Variants in RAB26 observed in about 807,000 individuals in gnomAD.
RAB26 encodes the protein ras-related protein Rab-26.
Under a neutral mutation model 33.1 loss-of-function variants are expected in RAB26, and 39 were observed. The ratio of observed to expected loss-of-function variants is 1.18; its 90% CI spans 0.91 to 1.54. The LOEUF (loss-of-function observed/expected upper bound fraction) is 1.54. Among genes scored for constraint, RAB26 ranks in the 40% most tolerant of loss-of-function variants. RAB26 has a pLI of 0.00. For missense variants in RAB26, 468 were observed against 362.9 expected (o/e 1.29, Z -2.35); for synonymous variants, 192 against 151.9 (o/e 1.26, Z -1.94).
chr16:2,149,728 C>T (rs995395781), intron 1 of RAB26, among the ~76,000 whole-genome samples: 7 of 152,210 alleles, frequency 4.6e-5, no homozygotes, highest in African/African-American at 1.7e-4. Flanking sequence ...CCCTCACTCC[C>T]CGCTGACTGA....
rs567206183 is a variant in RAB26 at position 2,152,776 on chromosome 16, C to A, written c.469-44C>A. On this transcript the variant is annotated intron_variant, in intron 5 of 8. Transcript: ENST00000210187. Reference sequence around the variant, plus strand: ...AGGGCCAAAGTTCTGGGGCATGGGGCAAGCCATGCAGGGAGCCCCAGCCTG... The same window carrying A: ...AGGGCCAAAGTTCTGGGGCATGGGGAAAGCCATGCAGGGAGCCCCAGCCTG... The A allele has an allele frequency of 1.1e-5, 18 of 1,572,054 alleles. No homozygotes were observed. In the South Asian group the frequency reaches 1.4e-4, roughly 12 times the overall value.
chr16:2,148,690 G>C lies in RAB26; in HGVS notation c.-94G>C. 8.9e-7 allele frequency: 1 copy of C among 1,122,898 alleles called. No homozygotes were observed. Among genetic ancestry groups the C allele is most frequent in the Non-Finnish European group, 1.1e-6 (1 of 901,112 alleles). The allele number at this position is 1,122,898 out of a possible 1,614,324, so 69.6% of individuals were successfully genotyped here. ...GCCGCCGCCGCCGCCGCCAGGGGAAGGGTTCGGGTCCGGGTCGGGCTCGGC... is the reference window on the plus strand; with the variant it reads ...GCCGCCGCCGCCGCCGCCAGGGGAACGGTTCGGGTCCGGGTCGGGCTCGGC... On this transcript the variant is annotated 5_prime_UTR_variant, in exon 1 of 9. Coordinates refer to ENST00000210187, the MANE Select transcript of RAB26 (RefSeq NM_014353.5).
intron 1 of RAB26, among the ~76,000 whole-genome samples, chr16:2,149,468 C>T (rs749182508): frequency 4.6e-5 from 7 of 152,060 alleles, no homozygotes; most frequent in Non-Finnish European, 8.8e-5. Flanking sequence ...TGACTGCTGC[C>T]CACTTGCACC....
intron 2 of RAB26, 59 bp downstream of exon 2, chr16:2,150,110 G>A: frequency 7.0e-7 from 1 of 1,435,970 alleles, no homozygotes; most frequent in Non-Finnish European, 9.4e-7. Flanking sequence ...CGAGCAGCAA[G>A]TTCTCTCTGA....
chr16:2,151,629 G>A lies in RAB26; in HGVS notation c.348+19G>A, dbSNP rs367971919. 1 of 1,614,058 alleles carries A rather than the reference G, an allele frequency of 6.2e-7. No homozygotes were observed. Among genetic ancestry groups the A allele is most frequent in the African/African-American group, 1.3e-5 (1 of 75,066 alleles). ...GCTGCAGGTAAGGTGACTGGCAGAG[G>A]ACAAGTTGGGGGACAGGGGACACCA... On this transcript the variant is annotated intron_variant, in intron 3 of 8. Coordinates refer to ENST00000210187, the MANE Select transcript of RAB26 (RefSeq NM_014353.5).
At chr16:2,151,960 C>A in intron 5 of RAB26, 52 bp downstream of exon 5, 1 of 1,602,744 alleles carries the variant, frequency 6.2e-7, no homozygotes, top group Non-Finnish European at 8.5e-7. Context: ...CCTGACCCAT[C>A]CCAACCTCCT....
chr16:2,150,484 C>G (rs2093001352), intron 2 of RAB26, among the ~76,000 whole-genome samples: 1 of 150,860 alleles, frequency 6.6e-6, no homozygotes, highest in African/African-American at 2.4e-5. Flanking sequence ...CCCCCACCAG[C>G]TGGAATTCCT....
intron 1 of RAB26, 26 bp from the exon 2 acceptor site, chr16:2,149,915 C>T (rs545304846): frequency 6.7e-7 from 1 of 1,493,560 alleles, no homozygotes; most frequent in African/African-American, 1.4e-5. Context: ...AGACCAGACT[C>T]CCCCCAACCC....
At chr16:2,149,712 T>C (rs1303734752) in intron 1 of RAB26, among the ~76,000 whole-genome samples, 1 of 152,134 alleles carries the variant, frequency 6.6e-6, no homozygotes, top group Admixed American at 6.5e-5. Context: ...GGGATGCAGG[T>C]GGCTGCCCTC....
chr16:2,152,934 G>T (rs745663342), intron 6 of RAB26, 49 bp downstream of exon 6: 1 of 1,587,368 alleles, frequency 6.3e-7, no homozygotes, highest in Non-Finnish European at 8.6e-7. Flanking sequence ...GGGCAGGTGA[G>T]GGGGCAGGGG....
rs1398875373 is a variant in RAB26 at position 2,153,839 on chromosome 16, C to T, written c.*418C>T. The stretch of plus-strand genomic sequence containing the variant: ...GCCTGCCCACGCCTGGGACAGAAGG[C>T]TTCACTGCTAATCACATCGTGCATC... On this transcript the variant is annotated 3_prime_UTR_variant, in exon 9 of 9. Coordinates refer to ENST00000210187, the MANE Select transcript of RAB26 (RefSeq NM_014353.5). The T allele has an allele frequency of 1.1e-5, 5 of 461,438 alleles. No homozygotes were observed. Among genetic ancestry groups the T allele is most frequent in the South Asian group, 7.7e-5 (5 of 64,608 alleles). 28.6% of individuals were successfully genotyped at this position (461,438 alleles called of 1,614,324 possible).
At position 2,153,175 on chromosome 16, in the gene RAB26, C is replaced by A. The variant is rs192091078; in HGVS notation, c.621C>A (p.Ser207Arg). 2 of 1,613,726 alleles carry A rather than the reference C, an allele frequency of 1.2e-6. No individual in the cohort carries two copies. The highest frequency in any genetic ancestry group is 1.7e-6 in the Non-Finnish European group (2 of 1,180,040). The change falls in exon 8 of 9, where the codon AGC (serine) becomes AGA (arginine). Residue 207 changes from serine to arginine, a missense_variant. Ser to Arg is a moderately radical substitution (Grantham distance 110). Transcript: ENST00000210187. ...KEYGLPFMET[S>R]AKTGLNVDLA... ...ATGGACTGCCCTTCATGGAGACCAG[C>A]GCCAAGACGGGCCTCAACGTGGACT...
chr16:2,150,603 G>A (rs1003125770), intron 2 of RAB26, among the ~76,000 whole-genome samples: 2 of 152,232 alleles, frequency 1.3e-5, no homozygotes, highest in Admixed American at 1.3e-4. Context: ...TCCAGGGACA[G>A]GAAAAGGGGC....
chr16:2,151,921 C>A lies in RAB26; in HGVS notation c.468+13C>A. On this transcript the variant is annotated intron_variant, in intron 5 of 8. Coordinates refer to ENST00000210187, the MANE Select transcript of RAB26 (RefSeq NM_014353.5). ...TGACAACATCCAGGTCAGTGGCTTTCCTGGTGGGGTGAAAGGGCCCTGATA... is the reference window on the plus strand; with the variant it reads ...TGACAACATCCAGGTCAGTGGCTTTACTGGTGGGGTGAAAGGGCCCTGATA... The A allele has an allele frequency of 1.9e-6, 3 of 1,614,082 alleles. No homozygotes were observed. Among genetic ancestry groups the A allele is most frequent in the Non-Finnish European group, 2.5e-6 (3 of 1,180,004 alleles).
rs569722581 is a variant in RAB26 at position 2,150,840 on chromosome 16, G to A, written c.307-729G>A. Reference sequence around the variant, plus strand: ...CAGCAGATGGCCCTGCCTGGTTCCCGGGAGACCCAGAAGCACTCTGACAGC... The same window carrying A: ...CAGCAGATGGCCCTGCCTGGTTCCCAGGAGACCCAGAAGCACTCTGACAGC... On this transcript the variant is annotated intron_variant, in intron 2 of 8. Transcript: ENST00000210187. Among the ~76,000 whole-genome samples, 141 of 152,292 alleles carry A rather than the reference G, an allele frequency of 9.3e-4. 2 individuals carry two copies. The highest frequency in any genetic ancestry group is 8.3e-3 in the Admixed American group (127 of 15,302).
At chr16:2,150,089 C>A (rs1406616732) in intron 2 of RAB26, 38 bp downstream of exon 2, 5 of 1,493,582 alleles carry the variant, frequency 3.3e-6, no homozygotes, top group Non-Finnish European at 4.5e-6. Flanking sequence ...CATCAGAGTC[C>A]CGCCGGTACC....
At chr16:2,152,698 A>G in intron 5 of RAB26, 122 bp from the exon 6 acceptor site, 1 of 670,178 alleles carries the variant, frequency 1.5e-6, no homozygotes, top group Non-Finnish European at 2.2e-6. Flanking sequence ...TGTCTCAAAA[A>G]AAAAAAAAAA....
In RAB26 at chr16:2,153,894, C is replaced by A. The variant is rs1354741099; in HGVS notation, c.*473C>A. On this transcript the variant is annotated 3_prime_UTR_variant, in exon 9 of 9. Coordinates refer to ENST00000210187, the MANE Select transcript of RAB26 (RefSeq NM_014353.5). Reference sequence around the variant, plus strand: ...TGTCCTGGGAGCTGCCTGCTCCCGGCCCACCCTCTAGGAGGCTCTGGCTCA... The same window carrying A: ...TGTCCTGGGAGCTGCCTGCTCCCGGACCACCCTCTAGGAGGCTCTGGCTCA... 2.2e-6 allele frequency: 1 copy of A among 455,742 alleles called. No homozygotes were observed. Among genetic ancestry groups the A allele is most frequent in the Non-Finnish European group, 4.4e-6 (1 of 226,702 alleles). The allele number at this position is 455,742 out of a possible 1,614,324, so 28.2% of individuals were successfully genotyped here.
At chr16:2,152,942 G>C (rs2093010672) in intron 6 of RAB26, 47 bp from the exon 7 acceptor site, 1 of 1,585,394 alleles carries the variant, frequency 6.3e-7, no homozygotes, top group Non-Finnish European at 8.6e-7. Flanking sequence ...GAGGGGGCAG[G>C]GGCCAACCAT....
Sources: allele counts gnomAD v4.1 joint callset (sites outside exome capture counted in the v4.1 genomes callset), GRCh38; gene constraint gnomAD v4.1.1; transcripts MANE v1.5; gene names NCBI Gene and HGNC (gene_info 2026-07-23, HGNC 2026-07-21).